Variants in LRRIQ1 observed in about 807,000 individuals in gnomAD.
The protein encoded by LRRIQ1 is leucine rich repeats and IQ motif containing 1.
In LRRIQ1, 210 loss-of-function variants were observed where a neutral mutation model predicts 211.9. The observed-to-expected ratio is 0.99, with a 90% CI of 0.89 to 1.11. The LOEUF is 1.11. LRRIQ1 is among the 50% of genes most tolerant of loss of function. The pLI is 0.00. For synonymous variants in LRRIQ1, 699 were observed against 650.1 expected (o/e 1.08, Z -1.14); for missense variants, 2,136 against 1,939.5 (o/e 1.10, Z -1.90).
At chr12:85,126,098 T>C (rs1888355600) in intron 17 of LRRIQ1, among the ~76,000 whole-genome samples, 1 of 152,196 alleles carries the variant, frequency 6.6e-6, no homozygotes, top group African/African-American at 2.4e-5. Context: ...TTGTTTTTCT[T>C]AACCTGTAGT....
intron 3 of LRRIQ1, among the ~76,000 whole-genome samples, chr12:85,042,879 A>G (rs2135890309): frequency 6.6e-6 from 1 of 152,236 alleles, no homozygotes; most frequent in East Asian, 1.9e-4. Context: ...AAATTGTACA[A>G]GCATAGCACA....
chr12:85,090,239 G>C (rs1179844860), intron 11 of LRRIQ1, among the ~76,000 whole-genome samples: 1 of 152,212 alleles, frequency 6.6e-6, no homozygotes, highest in Non-Finnish European at 1.5e-5. Context: ...TGGGGGTCCA[G>C]GCAAGGCAGA....
chr12:85,205,620 T>A (rs1049797589), intron 24 of LRRIQ1, among the ~76,000 whole-genome samples: 1 of 152,128 alleles, frequency 6.6e-6, no homozygotes, highest in African/African-American at 2.4e-5. Flanking sequence ...GTTCCCTGAA[T>A]TTTCTGAATA....
intron 4 of LRRIQ1, 61 bp downstream of exon 4, chr12:85,044,870 C>G (rs1447381021): frequency 4.3e-6 from 3 of 704,688 alleles, no homozygotes; most frequent in South Asian, 2.2e-5. Flanking sequence ...TTCTCTCTTA[C>G]ACAAGATTGA....
chr12:85,271,374 A>G, the LRRIQ1 span, among the ~76,000 whole-genome samples: 1 of 152,250 alleles, frequency 6.6e-6, no homozygotes, highest in South Asian at 2.1e-4. Context: ...AAGTCAATCC[A>G]CTTAGTTCCA....
At chr12:85,240,062 C>T (rs185329653) in intron 26 of LRRIQ1, among the ~76,000 whole-genome samples, 5 of 152,114 alleles carry the variant, frequency 3.3e-5, no homozygotes, top group African/African-American at 9.6e-5. Flanking sequence ...CTGGCATAGG[C>T]AAAAAGCCTA....
chr12:85,207,504 C>T (rs756779305), intron 24 of LRRIQ1, among the ~76,000 whole-genome samples: 5 of 152,162 alleles, frequency 3.3e-5, no homozygotes, highest in Admixed American at 6.6e-5. Context: ...ATGTCTTTCA[C>T]ACAGAAGCAT....
intron 11 of LRRIQ1, among the ~76,000 whole-genome samples, chr12:85,088,377 C>T (rs1024808419): frequency 1.7e-4 from 26 of 152,116 alleles, no homozygotes; most frequent in African/African-American, 6.3e-4. Flanking sequence ...AGTCAGGTAG[C>T]ATGATGCCTC....
At chr12:85,191,406 G>A (rs1277183383) in intron 24 of LRRIQ1, among the ~76,000 whole-genome samples, 1 of 151,840 alleles carries the variant, frequency 6.6e-6, no homozygotes, top group Non-Finnish European at 1.5e-5. Flanking sequence ...TCACATAGTT[G>A]GAATCATGTG....
At chr12:85,168,928 G>T (rs1477944034) in intron 24 of LRRIQ1, among the ~76,000 whole-genome samples, 2 of 152,076 alleles carry the variant, frequency 1.3e-5, no homozygotes, top group African/African-American at 4.8e-5. Context: ...ATACTGTGAG[G>T]AATACCATGG....
chr12:85,125,102 C>G (rs982633844), intron 17 of LRRIQ1, among the ~76,000 whole-genome samples: 3 of 152,022 alleles, frequency 2.0e-5, no homozygotes, highest in Non-Finnish European at 2.9e-5. Flanking sequence ...TGGCGTGAAC[C>G]CGGGAGGTGG....
chr12:85,146,198 C>T (rs1380392460), intron 19 of LRRIQ1, among the ~76,000 whole-genome samples: 3 of 151,736 alleles, frequency 2.0e-5, no homozygotes, highest in East Asian at 1.9e-4. Context: ...CCCTGGTCAG[C>T]GAGTTGAAGC....
intron 11 of LRRIQ1, among the ~76,000 whole-genome samples, chr12:85,095,415 T>C (rs1885784568): frequency 6.6e-6 from 1 of 152,216 alleles, no homozygotes. Context: ...GTGAATTACA[T>C]TTATTGATTT....
chr12:85,168,891 A>G (rs2136791130), intron 24 of LRRIQ1, among the ~76,000 whole-genome samples: 1 of 152,300 alleles, frequency 6.6e-6, no homozygotes, highest in Non-Finnish European at 1.5e-5. Flanking sequence ...TTCTTTAGTT[A>G]TGAAGTTTGT....
intron 10 of LRRIQ1, among the ~76,000 whole-genome samples, chr12:85,067,777 T>G (rs1454970833): frequency 6.6e-6 from 1 of 151,862 alleles, no homozygotes; most frequent in Non-Finnish European, 1.5e-5. Flanking sequence ...GCTGTGTCCT[T>G]TCTCTCACAT....
At chr12:85,165,467 CTTTTTTTT>C (rs779566934) in intron 24 of LRRIQ1, among the ~76,000 whole-genome samples, 3 of 118,638 alleles carry the variant, frequency 2.5e-5, no homozygotes, top group African/African-American at 9.6e-5. Context: ...TGATTTCTTA[CTTTTTTTT>C]TTTTTTTTTT....
chr12:85,077,909 G>A (rs575059427), intron 11 of LRRIQ1, among the ~76,000 whole-genome samples: 1 of 151,972 alleles, frequency 6.6e-6, no homozygotes, highest in South Asian at 2.1e-4. Flanking sequence ...AATCACTTGA[G>A]CTTGGGGGAT....
chr12:85,134,317 G>A (rs1345764304), intron 18 of LRRIQ1, among the ~76,000 whole-genome samples: 3 of 152,016 alleles, frequency 2.0e-5, no homozygotes, highest in Non-Finnish European at 2.9e-5. Context: ...ATTTAAAATA[G>A]CAATACCTCC....
At chr12:85,118,589 T>C (rs10506912) in intron 15 of LRRIQ1, among the ~76,000 whole-genome samples, 42,631 of 150,618 alleles carry the variant, frequency 0.28, 6,184 homozygotes, top group Admixed American at 0.33. Flanking sequence ...CCAAGACTAC[T>C]AAGATTATAA....
Sources: allele counts gnomAD v4.1 joint callset (sites outside exome capture counted in the v4.1 genomes callset), GRCh38; gene constraint gnomAD v4.1.1; transcripts MANE v1.5; gene names NCBI Gene and HGNC (gene_info 2026-07-23, HGNC 2026-07-21).